RNLS: variants seen among roughly 807,000 people sequenced by gnomAD.
The protein encoded by RNLS is renalase.
In RNLS, 39 loss-of-function variants were observed where a neutral mutation model predicts 39.8. The ratio of observed to expected loss-of-function variants is 0.98; its 90% confidence interval spans 0.76 to 1.28. The LOEUF is 1.28. RNLS is among the 50% of genes most tolerant of loss of function. The pLI, the probability that RNLS is intolerant of heterozygous loss-of-function variation, is 0.00. For synonymous variants in RNLS, 147 were observed against 150.7 expected (o/e 0.98, Z 0.18); for missense variants, 410 against 413.3 (o/e 0.99, Z 0.07).
chr10:88,447,238 T>A (rs929958823), intron 4 of RNLS, among the ~76,000 whole-genome samples: 1 of 152,200 alleles, frequency 6.6e-6, no homozygotes, highest in African/African-American at 2.4e-5. Context: ...TGTTTGCAGA[T>A]GTCATGATTG....
Position 88,284,246 on chromosome 10 carries a change from G to A in RNLS, c.*1108C>T, listed in dbSNP as rs966778534. 1.4e-5 allele frequency: 14 copies of A among 985,268 alleles called. No homozygotes were observed. Among genetic ancestry groups the A allele is most frequent in the Non-Finnish European group, 1.7e-5 (14 of 829,912 alleles). 61.0% of individuals were successfully genotyped at this position (985,268 alleles called of 1,614,324 possible). On this transcript the variant is annotated 3_prime_UTR_variant, in exon 7 of 7. Transcript: ENST00000331772. ...TATGTATGACAGTGGACATGTAAGT[G>A]TGAAACTTTAAACACTATTACAGTA...
chr10:88,427,370 G>T (rs1264715251), intron 4 of RNLS, among the ~76,000 whole-genome samples: 2 of 151,944 alleles, frequency 1.3e-5, no homozygotes, highest in Non-Finnish European at 1.5e-5. Context: ...AGAACAAGAA[G>T]AATTATTTGA....
chr10:88,301,242 A>G (rs748377654), intron 6 of RNLS, among the ~76,000 whole-genome samples: 1 of 152,212 alleles, frequency 6.6e-6, no homozygotes, highest in Non-Finnish European at 1.5e-5. Flanking sequence ...ATAAACTTCA[A>G]TTAAACTGTG....
rs573132213 is a variant in RNLS, at chr10:88,412,554, T to C, written c.527-49829A>G. ...AATAAAGTTAGAACAATCAATAATATCAAGTGCTGCAACAAAAGTTGAAAA... is the reference window on the plus strand; with the variant it reads ...AATAAAGTTAGAACAATCAATAATACCAAGTGCTGCAACAAAAGTTGAAAA... On this transcript the variant is annotated intron_variant, in intron 4 of 6. Coordinates refer to ENST00000331772, the MANE Select transcript of RNLS (RefSeq NM_001031709.3). Among the ~76,000 whole-genome samples, 104 of 151,876 alleles carry C rather than the reference T, an allele frequency of 6.8e-4. 2 individuals carry two copies. Among genetic ancestry groups the C allele is most frequent in the Admixed American group, 3.9e-4 (6 of 15,256 alleles).
At chr10:88,172,340 T>A in the RNLS span, among the ~76,000 whole-genome samples, 2 of 151,984 alleles carry the variant, frequency 1.3e-5, no homozygotes, top group African/African-American at 4.8e-5. Flanking sequence ...GCATTTGATA[T>A]TTTTTTTGTC....
chr10:88,257,950 TAAA>T, the RNLS span, among the ~76,000 whole-genome samples: 1 of 151,530 alleles, frequency 6.6e-6, no homozygotes, highest in African/African-American at 2.4e-5. Flanking sequence ...TTCCTTTACT[TAAA>T]AAAAAATCCA....
chr10:88,546,447 C>A (rs1190591208), intron 4 of RNLS, among the ~76,000 whole-genome samples: 1 of 151,968 alleles, frequency 6.6e-6, no homozygotes, highest in African/African-American at 2.4e-5. Flanking sequence ...CTTAAAAACT[C>A]TGAAAAGTTA....
chr10:88,213,764 A>T, the RNLS span, among the ~76,000 whole-genome samples: 37 of 152,306 alleles, frequency 2.4e-4, no homozygotes, highest in African/African-American at 8.2e-4. Context: ...AATTTCTAGG[A>T]TCAACAGGCT....
At chr10:88,255,921 A>G in the RNLS span, among the ~76,000 whole-genome samples, 1 of 152,270 alleles carries the variant, frequency 6.6e-6, no homozygotes, top group South Asian at 2.1e-4. Flanking sequence ...ATGCCCCTGG[A>G]CATCTTCAAA....
At chr10:88,413,751 T>C (rs939707844) in intron 4 of RNLS, among the ~76,000 whole-genome samples, 1 of 152,198 alleles carries the variant, frequency 6.6e-6, no homozygotes, top group Non-Finnish European at 1.5e-5. Flanking sequence ...TTTCATTGTC[T>C]CCAATCCTTC....
chr10:88,484,902 A>G (rs541560393), intron 4 of RNLS, among the ~76,000 whole-genome samples: 25 of 152,058 alleles, frequency 1.6e-4, no homozygotes, highest in African/African-American at 5.5e-4. Context: ...TATATCTTCA[A>G]TTTTGCTTAG....
intron 4 of RNLS, among the ~76,000 whole-genome samples, chr10:88,398,988 G>GT (rs958092851): frequency 7.2e-5 from 11 of 152,010 alleles, no homozygotes; most frequent in African/African-American, 2.4e-4. Context: ...CTGAATAGAT[G>GT]TTTTTTCCAA....
chr10:88,356,625 C>T (rs1849210902), intron 5 of RNLS, among the ~76,000 whole-genome samples: 1 of 152,198 alleles, frequency 6.6e-6, no homozygotes, highest in South Asian at 2.1e-4. Context: ...GTGTTTGTTA[C>T]TCAAAGATTC....
chr10:88,189,451 G>T, the RNLS span, among the ~76,000 whole-genome samples: 1 of 151,890 alleles, frequency 6.6e-6, no homozygotes, highest in African/African-American at 2.4e-5. Context: ...CTTATCGTGG[G>T]GTTTAACCAG....
At chr10:88,282,478 TACACACACACACAC>T (rs60829171), downstream of RNLS, among the ~76,000 whole-genome samples, 4,544 of 142,702 alleles carry the variant, frequency 0.032, 94 homozygotes, top group African/African-American at 0.051. Context: ...AAAGTGAAAA[TACACACACACACAC>T]ACACACACAC....
chr10:88,581,467 A>C (rs1850551774), intron 3 of RNLS, 100 bp downstream of exon 3: 5 of 1,014,674 alleles, frequency 4.9e-6, no homozygotes, highest in Non-Finnish European at 7.0e-6. Flanking sequence ...AGAGCACCTA[A>C]TATTTATAAT....
the RNLS span, among the ~76,000 whole-genome samples, chr10:88,219,042 A>C: frequency 6.6e-6 from 1 of 152,160 alleles, no homozygotes; most frequent in Admixed American, 6.5e-5. Flanking sequence ...TGGGTAACTA[A>C]TTGTGTCCTA....
At chr10:88,311,181 T>C (rs1420908267) in intron 6 of RNLS, among the ~76,000 whole-genome samples, 2 of 152,164 alleles carry the variant, frequency 1.3e-5, no homozygotes, top group Admixed American at 6.5e-5. Flanking sequence ...AAATTTACTA[T>C]AGTTTGAGAA....
At chr10:88,391,125 C>T (rs1172573630) in intron 4 of RNLS, among the ~76,000 whole-genome samples, 1 of 152,128 alleles carries the variant, frequency 6.6e-6, no homozygotes, top group African/African-American at 2.4e-5. Context: ...TGTAACATCC[C>T]AATTCAAAGT....
Sources: gnomAD v4.1 joint callset for allele counts (sites outside exome capture counted in the v4.1 genomes callset) on GRCh38, gnomAD v4.1.1 for gene constraint, MANE v1.5 for transcripts, NCBI Gene and HGNC (gene_info 2026-07-23, HGNC 2026-07-21) for gene names.